TTN: variants seen among roughly 807,000 people sequenced by gnomAD.
TTN encodes connectin.
In TTN, 1,525 loss-of-function variants were observed where a neutral mutation model predicts 3,223.0. The observed-to-expected ratio is 0.47, with a 90% CI of 0.45 to 0.49. The LOEUF is 0.49. Among genes scored for constraint, TTN ranks in the 20% least tolerant of loss-of-function variants. TTN has a pLI of 0.00. For missense variants in TTN, 40,786 were observed against 43,424.0 expected, an observed-to-expected ratio of 0.94 and a Z score of 5.40; for synonymous variants, 14,094 against 15,161.0, an observed-to-expected ratio of 0.93 and a Z score of 5.17.
At position 178,577,411 on chromosome 2, in the gene TTN, G is replaced by T. The variant is rs778464451; in HGVS notation, c.68924C>A (p.Pro22975His). The change falls in exon 324 of 363, where the codon CCC becomes CAC. Residue 22975 changes from proline to histidine, a missense_variant. Coordinates refer to ENST00000589042, the MANE Select transcript of TTN (RefSeq NM_001267550.2). ...VLNAISILGKPLPKSSWSKAG... is the reference protein window; with the variant it reads ...VLNAISILGKHLPKSSWSKAG... ...CTTGGACCAACTTGATTTTGGAAGG[G>T]GTTTGCCAAGAATGCTAATGGCATT... The T allele has an allele frequency of 9.9e-6, 16 of 1,612,120 alleles. No homozygotes were observed. Among genetic ancestry groups the T allele is most frequent in the Middle Eastern group, 1.6e-4 (1 of 6,074 alleles).
chr2:178,803,605 A>T (rs1045260725), intron 2 of TTN, among the ~76,000 whole-genome samples: 1 of 151,916 alleles, frequency 6.6e-6, no homozygotes, highest in Non-Finnish European at 1.5e-5. Flanking sequence ...AAAAAGAGAA[A>T]AAAAGAAATT....
chr2:178,717,376 T>C lies in TTN; in HGVS notation c.25358A>G (p.Glu8453Gly). Reference protein sequence around the residue: ...SSAKLILSEHEVPPFFDLKPV... With the variant: ...SSAKLILSEHGVPPFFDLKPV... ...CTTTAGATCAAAGAAAGGAGGCACT[T>C]CATGCTCTGAAAAGAATGAAGACCA... Residue 8453 changes from glutamate to glycine, a missense_variant, in exon 88 of 363, where the codon GAA becomes GGA. By Grantham distance (98) the Glu-to-Gly change is moderately conservative (BLOSUM62 -2). Coordinates refer to ENST00000589042, the MANE Select transcript of TTN (RefSeq NM_001267550.2). The C allele has an allele frequency of 6.2e-7, 1 of 1,605,294 alleles. No individual in the cohort carries two copies. The highest frequency in any genetic ancestry group is 1.3e-5 in the African/African-American group (1 of 74,650).
At chr2:178,541,646 A>T (rs1331109844) in intron 349 of TTN, 62 bp from the exon 350 acceptor site, 5 of 1,413,662 alleles carry the variant, frequency 3.5e-6, no homozygotes, top group Non-Finnish European at 4.7e-6. Context: ...AATGACTCAT[A>T]TATTTGTGTT....
In TTN at chr2:178,564,437, A is replaced by G; in HGVS notation, c.81695T>C (p.Val27232Ala). ...TCTTTGGTCTTCTACAAGTCCACTC[A>G]CTGTAAATTCAGTTTCTAATACGTT... is the stretch of plus-strand genomic sequence containing the variant. Reference protein sequence around the residue: ...FTNVLETEFTVSGLVEDQRYE... With the variant: ...FTNVLETEFTASGLVEDQRYE... Residue 27232 changes from valine to alanine, a missense_variant, in exon 326 of 363, where the codon GTG becomes GCG. By Grantham distance (64) the Val-to-Ala change is moderately conservative. Coordinates refer to ENST00000589042, the MANE Select transcript of TTN (RefSeq NM_001267550.2). 3 of 1,612,782 alleles carry G rather than the reference A, an allele frequency of 1.9e-6. No individual in the cohort carries two copies. Among genetic ancestry groups the G allele is most frequent in the Non-Finnish European group, 2.5e-6 (3 of 1,179,298 alleles).
intron 133 of TTN, among the ~76,000 whole-genome samples, chr2:178,683,564 A>G (rs2070003906): frequency 6.6e-6 from 1 of 152,114 alleles, no homozygotes; most frequent in Non-Finnish European, 1.5e-5. Flanking sequence ...ATGACTATCA[A>G]ACTAAGTAGA....
intron 9 of TTN, 45 bp from the exon 10 acceptor site, chr2:178,792,242 A>G (rs1467545599): frequency 7.0e-6 from 11 of 1,561,506 alleles, no homozygotes; most frequent in Middle Eastern, 2.3e-4. Flanking sequence ...CTGATGCCCA[A>G]TGAAATAATA....
chr2:178,562,593 C>T lies in TTN; in HGVS notation c.83539G>A (p.Gly27847Arg). ...GTTGTTTCAGCTGGCAAACCAATCC[C>T]ATATTCATTGGAAGCCAAGACTCGG... The part of the protein sequence containing the change: ...YFRVLASNEY[G>R]IGLPAETTEP... Residue 27847 changes from glycine to arginine, a missense_variant, in exon 326 of 363, where the codon GGG becomes AGG. By Grantham distance (125) the Gly-to-Arg change is moderately radical (BLOSUM62 -2). Transcript: ENST00000589042. 3 of 1,610,846 alleles carry T rather than the reference C, an allele frequency of 1.9e-6. No homozygotes were observed. Among genetic ancestry groups the T allele is most frequent in the Non-Finnish European group, 2.5e-6 (3 of 1,178,824 alleles).
At chr2:178,792,656 G>A (rs1295266226) in intron 9 of TTN, among the ~76,000 whole-genome samples, 1 of 152,172 alleles carries the variant, frequency 6.6e-6, no homozygotes, top group Non-Finnish European at 1.5e-5. Flanking sequence ...TGTTTTGTCA[G>A]TTTTCCTAAA....
chr2:178,670,228 T>C lies in TTN; in HGVS notation c.35376A>G (p.Pro11792=). Residue 11792 remains proline (P), a synonymous_variant, in exon 157 of 363, where the codon CCA becomes CCG. Coordinates refer to ENST00000589042, the MANE Select transcript of TTN (RefSeq NM_001267550.2). ...KVRVPEEPRV[P]PTKAPEVPKK... ...AGAAAAGCCAGTTACCTTTAGTTGG[T>C]GGAACTCTGGGCTCTTCAGGAACAC... 6.8e-7 allele frequency: 1 copy of C among 1,475,712 alleles called. No individual in the cohort carries two copies. The highest frequency in any genetic ancestry group is 8.9e-7 in the Non-Finnish European group (1 of 1,117,904). 91.4% of individuals were successfully genotyped at this position (1,475,712 alleles called of 1,614,324 possible).
At position 178,537,168 on chromosome 2, in the gene TTN, G is replaced by A; in HGVS notation, c.99941C>T (p.Pro33314Leu). The change falls in exon 356 of 363, where the codon CCA becomes CTA. Residue 33314 changes from proline to leucine, a missense_variant. Coordinates refer to ENST00000589042, the MANE Select transcript of TTN (RefSeq NM_001267550.2). Reference protein sequence around the residue: ...LKNSAVISWKPPADDGGSWIT... With the variant: ...LKNSAVISWKLPADDGGSWIT... ...CCAGGAGCCTCCGTCATCTGCGGGT[G>A]GTTTCCAGCTGATCACTGCGGAGTT... is the stretch of plus-strand genomic sequence containing the variant. 6.2e-7 allele frequency: 1 copy of A among 1,613,660 alleles called. No individual in the cohort carries two copies. The highest frequency in any genetic ancestry group is 1.1e-5 in the South Asian group (1 of 91,064).
At chr2:178,714,267 G>A (rs781521228) in intron 91 of TTN, 25 bp downstream of exon 91, 1 of 1,605,152 alleles carries the variant, frequency 6.2e-7, no homozygotes, top group Admixed American at 1.7e-5. Flanking sequence ...CCTTGTATCT[G>A]TGATAACATC....
chr2:178,722,205 C>T (rs1041280631), intron 77 of TTN, 54 bp downstream of exon 77: 8 of 1,529,174 alleles, frequency 5.2e-6, no homozygotes, highest in Non-Finnish European at 7.0e-6. Context: ...TCTACTTTGA[C>T]AATGAAATAT....
Position 178,532,226 on chromosome 2 carries a change from C to T in TTN, c.104389G>A (p.Glu34797Lys), listed in dbSNP as rs1177080352. 1 of 1,613,444 alleles carries T rather than the reference C, an allele frequency of 6.2e-7. No individual in the cohort carries two copies. Among genetic ancestry groups the T allele is most frequent in the Non-Finnish European group, 8.5e-7 (1 of 1,179,862 alleles). ...CGCCTTGATTTCTTTCTAGACTTTT[C>T]CTCCTTTGACATGAAGTCAAGTTCG... ...KSELDFMSKEEKSRKKSRRQR... is the reference protein window; with the variant it reads ...KSELDFMSKEKKSRKKSRRQR... The change falls in exon 358 of 363, where the codon GAA becomes AAA. Residue 34797 changes from glutamate (E) to lysine (K), a missense_variant. Transcript: ENST00000589042.
intron 259 of TTN, 33 bp downstream of exon 259, chr2:178,615,274 C>G: frequency 6.2e-7 from 1 of 1,608,812 alleles, no homozygotes; most frequent in Non-Finnish European, 8.5e-7. Context: ...ACTAGGAGTA[C>G]ACATTTACTC....
chr2:178,701,295 C>T, intron 110 of TTN, 92 bp from the exon 111 acceptor site: 1 of 1,222,946 alleles, frequency 8.2e-7, no homozygotes, highest in South Asian at 1.5e-5. Flanking sequence ...TTCAGTACTT[C>T]ATAGGTATTA....
chr2:178,648,387 A>G (rs2062367874), intron 213 of TTN, among the ~76,000 whole-genome samples: 1 of 151,710 alleles, frequency 6.6e-6, no homozygotes, highest in South Asian at 2.1e-4. Context: ...TTCCCTTTCC[A>G]TGGGATATCA....
At chr2:178,790,458 C>T (rs550479305) in intron 11 of TTN, among the ~76,000 whole-genome samples, 30 of 152,180 alleles carry the variant, frequency 2.0e-4, no homozygotes, top group African/African-American at 5.3e-4. Context: ...GACTTGTTTA[C>T]GGACATCTGC....
chr2:178,621,039 T>G (rs1157069309), intron 246 of TTN, 46 bp from the exon 247 acceptor site: 5 of 1,603,948 alleles, frequency 3.1e-6, no homozygotes, highest in East Asian at 4.5e-5. Flanking sequence ...ATGATCAAAG[T>G]GGTAAATACA....
rs370912401 is a variant in TTN, at chr2:178,740,646, G to T, written c.12587C>A (p.Ser4196Ter). 13 of 1,613,638 alleles carry T rather than the reference G, an allele frequency of 8.1e-6. No individual in the cohort carries two copies. The highest frequency in any genetic ancestry group is 1.1e-5 in the Non-Finnish European group (13 of 1,179,814). Residue 4196 changes from serine to a stop codon, truncating the protein, a stop_gained, in exon 48 of 363, where the codon TCA becomes TAA. Transcript: ENST00000589042. LOFTEE classifies it high-confidence loss of function. ...PSAMSIEQIN[S>*]LTVEPLKTLL... ...AGTTTTCAGAGGCTCAACTGTTAAT[G>T]AATTAATTTGTTCTATGGACATGGC... is the stretch of plus-strand genomic sequence containing the variant.
Sources: gnomAD v4.1 joint callset for allele counts (sites outside exome capture counted in the v4.1 genomes callset) on GRCh38, gnomAD v4.1.1 for gene constraint, MANE v1.5 for transcripts, NCBI Gene and HGNC (gene_info 2026-07-23, HGNC 2026-07-21) for gene names.